Variants in MSN observed in about 807,000 individuals in gnomAD.
MSN encodes epididymis luminal protein 70.
A neutral mutation model predicts 48.0 loss-of-function variants in MSN; 2 were observed. The ratio of observed to expected loss-of-function variants is 0.04; its 90% CI spans 0.02 to 0.13. The LOEUF is 0.13. Ranked by LOEUF, MSN falls within the 10% of genes least tolerant of loss-of-function variation. The pLI, the probability that MSN is intolerant of heterozygous loss-of-function variation, is 1.00. For missense variants in MSN, 267 were observed against 470.1 expected (o/e 0.57, Z 3.99); for synonymous variants, 146 against 166.9 (o/e 0.87, Z 0.97).
At chrX:65,676,950 A>C (rs1451799354) in intron 1 of MSN, among the ~76,000 whole-genome samples, 1 of 109,833 alleles carries the variant, frequency 9.1e-6, no homozygotes, top group African/African-American at 3.3e-5. Context: ...TCAGCCACCC[A>C]AGTAGCTGGG....
intron 1 of MSN, among the ~76,000 whole-genome samples, chrX:65,671,420 A>G (rs150666854): frequency 1.5e-3 from 167 of 111,638 alleles, no homozygotes; most frequent in Middle Eastern, 4.6e-3. Flanking sequence ...TTGGGTCGGC[A>G]TTCAGCTAAA....
At chrX:65,652,127 A>C (rs1286539119) in intron 1 of MSN, among the ~76,000 whole-genome samples, 2 of 109,672 alleles carry the variant, frequency 1.8e-5, no homozygotes, top group Non-Finnish European at 3.8e-5. Flanking sequence ...TCCCTAGGCC[A>C]GCAGGCAAGC....
intron 1 of MSN, among the ~76,000 whole-genome samples, chrX:65,623,368 C>CTTTTTTTTTTT (rs773663630): frequency 1.3e-5 from 1 of 74,175 alleles, no homozygotes; most frequent in African/African-American, 4.8e-5. Context: ...TCTTTCTTTT[C>CTTTTTTTTTTT]TTTTTTTTTT....
chrX:65,674,288 C>T (rs1233664359), intron 1 of MSN, among the ~76,000 whole-genome samples: 2 of 111,081 alleles, frequency 1.8e-5, no homozygotes, highest in African/African-American at 6.6e-5. Flanking sequence ...GCAGCTTGTT[C>T]GAGGTCACAT....
At chrX:65,724,244 A>G (rs1397485733) in intron 2 of MSN, among the ~76,000 whole-genome samples, 2 of 109,213 alleles carry the variant, frequency 1.8e-5, no homozygotes, top group African/African-American at 6.7e-5. Flanking sequence ...TCCTGGGTTC[A>G]AGCGATTCTC....
intron 1 of MSN, among the ~76,000 whole-genome samples, chrX:65,686,499 T>C: frequency 8.9e-6 from 1 of 112,983 alleles, no homozygotes; most frequent in East Asian, 2.8e-4. Flanking sequence ...TTTCAGGAGC[T>C]TTGTGAGGCA....
chrX:65,683,396 A>G (rs5965000), intron 1 of MSN, among the ~76,000 whole-genome samples: 4,527 of 69,877 alleles, frequency 0.065, 463 homozygotes, highest in African/African-American at 0.47. Context: ...CGCCGCCGCC[A>G]CCACCACCAC....
At chrX:65,674,990 G>A (rs1248731113) in intron 1 of MSN, among the ~76,000 whole-genome samples, 1 of 112,189 alleles carries the variant, frequency 8.9e-6, no homozygotes, top group Non-Finnish European at 1.9e-5. Context: ...AGGATTACAT[G>A]AGGTAATTTA....
chrX:65,713,377 G>A (rs1035147469), intron 1 of MSN, among the ~76,000 whole-genome samples: 5 of 111,104 alleles, frequency 4.5e-5, no homozygotes, highest in African/African-American at 1.6e-4. Flanking sequence ...CCCCTCTTGA[G>A]CCTAAGGAAG....
chrX:65,642,350 GGTGTGTGTGTGT>G (rs61644801), intron 1 of MSN, among the ~76,000 whole-genome samples: 3 of 96,204 alleles, frequency 3.1e-5, no homozygotes, highest in Non-Finnish European at 4.2e-5. Context: ...TGTACATTAT[GGTGTGTGTGTGT>G]GTGTGTGTGT....
chrX:65,664,694 C>A (rs1215277656), upstream of MSN, among the ~76,000 whole-genome samples: 1 of 105,271 alleles, frequency 9.5e-6, no homozygotes, highest in Non-Finnish European at 1.9e-5. Context: ...CCCCCTATTT[C>A]TTAGCTCCCC....
chrX:65,684,050 C>A (rs1303158275), intron 1 of MSN, among the ~76,000 whole-genome samples: 1 of 106,793 alleles, frequency 9.4e-6, no homozygotes, highest in Non-Finnish European at 1.9e-5. Flanking sequence ...AAGTGATTCT[C>A]ATGCCTCAGT....
At chrX:65,592,004 T>C (rs1356667524) in intron 1 of MSN, among the ~76,000 whole-genome samples, 5 of 109,324 alleles carry the variant, frequency 4.6e-5, no homozygotes, top group African/African-American at 1.3e-4. Flanking sequence ...GTTATGGCTA[T>C]TGATGACAAT....
chrX:65,629,436 C>T (rs1408422719), intron 1 of MSN, among the ~76,000 whole-genome samples: 2 of 112,230 alleles, frequency 1.8e-5, no homozygotes, highest in Non-Finnish European at 3.8e-5. Context: ...CTGCCTGTTA[C>T]CCAGTTCCAA....
At chrX:65,687,098 G>A (rs191176647) in intron 1 of MSN, among the ~76,000 whole-genome samples, 170 of 112,162 alleles carry the variant, frequency 1.5e-3, no homozygotes, top group Non-Finnish European at 2.3e-3. Flanking sequence ...TATAATCCCA[G>A]CACTTTGGGA....
At chrX:65,684,443 C>CT (rs1300988514) in intron 1 of MSN, among the ~76,000 whole-genome samples, 1,261 of 100,179 alleles carry the variant, frequency 0.013, 10 homozygotes, top group Non-Finnish European at 0.021. Flanking sequence ...TCTTTTTTTT[C>CT]TTTTTTTTTT....
intron 1 of MSN, among the ~76,000 whole-genome samples, chrX:65,653,538 G>C (rs1213046334): frequency 9.1e-6 from 1 of 110,333 alleles, no homozygotes; most frequent in Non-Finnish European, 1.9e-5. Flanking sequence ...GGGAGGAAGG[G>C]GCTACTATAC....
At chrX:65,651,642 C>CA (rs2070743473) in intron 1 of MSN, among the ~76,000 whole-genome samples, 2 of 106,506 alleles carry the variant, frequency 1.9e-5, no homozygotes, top group African/African-American at 6.8e-5. Context: ...GGCTGGAGTG[C>CA]AATGGCACGA....
chrX:65,721,949 G>A (rs893580572), intron 2 of MSN, among the ~76,000 whole-genome samples: 19 of 111,568 alleles, frequency 1.7e-4, no homozygotes, highest in South Asian at 3.8e-4. Flanking sequence ...GGGCATGGTG[G>A]TGCATGCCTG....
Sources: allele counts gnomAD v4.1 joint callset (sites outside exome capture counted in the v4.1 genomes callset), GRCh38; gene constraint gnomAD v4.1.1; transcripts MANE v1.5; gene names NCBI Gene and HGNC (gene_info 2026-07-23, HGNC 2026-07-21).